Variants in NR2C2 observed in about 807,000 individuals in gnomAD.
NR2C2 encodes the protein Nuclear hormone receptor TR4.
A neutral mutation model predicts 62.9 loss-of-function variants in NR2C2; 6 were observed. That is an observed-to-expected ratio of 0.10 (90% CI 0.05 to 0.19). NR2C2 has a LOEUF of 0.19. Ranked by LOEUF, NR2C2 falls within the 10% of genes least tolerant of loss-of-function variation. The pLI, the probability that NR2C2 is intolerant of heterozygous loss-of-function variation, is 1.00. For synonymous variants in NR2C2, 272 were observed against 273.8 expected, an observed-to-expected ratio of 0.99 and a Z score of 0.07; for missense variants, 479 against 762.7, an observed-to-expected ratio of 0.63 and a Z score of 4.38.
At chr3:14,981,383 C>T (rs2040363088) in intron 1 of NR2C2, among the ~76,000 whole-genome samples, 1 of 152,062 alleles carries the variant, frequency 6.6e-6, no homozygotes, top group Admixed American at 6.6e-5. Context: ...GCGAGTGGAT[C>T]ACAAGGTCAG....
chr3:14,980,442 T>C (rs2040334351), intron 1 of NR2C2, among the ~76,000 whole-genome samples: 1 of 152,072 alleles, frequency 6.6e-6, no homozygotes, highest in South Asian at 2.1e-4. Flanking sequence ...GGATTATAGG[T>C]GTGAGCTGTC....
Position 15,030,298 on chromosome 3 carries a change from C to T in NR2C2, c.956C>T (p.Ala319Val), listed in dbSNP as rs780033916. The change falls in exon 9 of 14, where the codon GCA becomes GTA. Residue 319 changes from alanine (A) to valine (V), a missense_variant. Physicochemically the swap from Ala to Val is moderately conservative, Grantham distance 64. This residue lies in a region of NR2C2 where 151 missense variants were observed against 176.1 expected (regional missense o/e 0.86). Transcript: ENST00000425241. ...ITRAFDTLAK[A>V]LNTTDSSSSP... ...AGGGCATTTGATACCTTAGCTAAAG[C>T]ACTTAATACCACAGACAGCTCCTCT... The T allele has an allele frequency of 2.3e-5, 37 of 1,610,924 alleles. No individual in the cohort carries two copies. In the South Asian group the frequency reaches 3.5e-4, roughly 15 times the overall value.
intron 1 of NR2C2, among the ~76,000 whole-genome samples, chr3:14,960,490 G>T (rs1009061653): frequency 5.9e-5 from 9 of 152,026 alleles, no homozygotes; most frequent in Admixed American, 6.6e-5. Context: ...AAATCAGATT[G>T]TCATCTATAA....
At chr3:14,979,817 C>T (rs1330095418) in intron 1 of NR2C2, among the ~76,000 whole-genome samples, 3 of 151,870 alleles carry the variant, frequency 2.0e-5, no homozygotes, top group Non-Finnish European at 4.4e-5. Context: ...GTATTATAGG[C>T]CATGGTCAAG....
chr3:14,951,803 A>T (rs2039369996), intron 1 of NR2C2, among the ~76,000 whole-genome samples: 1 of 151,750 alleles, frequency 6.6e-6, no homozygotes, highest in African/African-American at 2.4e-5. Flanking sequence ...GCTGGAGTGC[A>T]GTGGTGCGAT....
chr3:15,033,664 T>TA (rs1553573291), intron 10 of NR2C2, among the ~76,000 whole-genome samples: 14 of 145,350 alleles, frequency 9.6e-5, no homozygotes, highest in East Asian at 5.9e-4. Flanking sequence ...TTTTTTTTTT[T>TA]AAATAACACC....
intron 2 of NR2C2, among the ~76,000 whole-genome samples, chr3:15,005,148 T>A (rs919760604): frequency 2.0e-5 from 3 of 152,118 alleles, no homozygotes; most frequent in African/African-American, 4.8e-5. Context: ...TTTTTATTAG[T>A]GTTAGTTGCT....
chr3:15,029,945 GAAAGA>G lies in NR2C2; in HGVS notation c.933-317_933-313del, dbSNP rs578219488. On this transcript the variant is annotated intron_variant, in intron 8 of 13. Coordinates refer to ENST00000425241, the MANE Select transcript of NR2C2 (RefSeq NM_001291694.2). ...AAGAGAGAAAAGGAAGGAAAAGAGA[GAAAGA>G]AAAGAAAAGAAAGAAATTGTCCATG... 9.3e-4 allele frequency among the ~76,000 whole-genome samples: 140 copies of G among 151,250 alleles called. 1 individual carries two copies. The South Asian group carries it at 0.016, about 18-fold the overall frequency.
chr3:14,951,466 A>G (rs972605314), intron 1 of NR2C2, among the ~76,000 whole-genome samples: 21 of 152,200 alleles, frequency 1.4e-4, no homozygotes, highest in African/African-American at 5.1e-4. Flanking sequence ...GGTATTTTAA[A>G]AATAATAATA....
At chr3:14,975,883 C>G (rs2040189805) in intron 1 of NR2C2, among the ~76,000 whole-genome samples, 1 of 151,976 alleles carries the variant, frequency 6.6e-6, no homozygotes, top group Non-Finnish European at 1.5e-5. Context: ...ATTCTATCTT[C>G]TTACTGGTTA....
rs182072578 is a variant in NR2C2 at position 14,997,292 on chromosome 3, G to A, written c.-39-6584G>A. Among the ~76,000 whole-genome samples, 3 of 152,222 alleles carry A rather than the reference G, an allele frequency of 2.0e-5. No homozygotes were observed. The East Asian group carries it at 5.8e-4, about 29-fold the overall frequency. ...GTAGTAGGCTATGCCATCTAGGTTTGTTGTAAGTACATGTTATCATGTTCA... is the reference window on the plus strand; with the variant it reads ...GTAGTAGGCTATGCCATCTAGGTTTATTGTAAGTACATGTTATCATGTTCA... On this transcript the variant is annotated intron_variant, in intron 1 of 13. Transcript: ENST00000425241.
intron 5 of NR2C2, 46 bp downstream of exon 5, chr3:15,020,978 A>G: frequency 6.5e-7 from 1 of 1,546,740 alleles, no homozygotes; most frequent in Non-Finnish European, 8.9e-7. Flanking sequence ...GTGGAGGGAG[A>G]CAGTAAATGA....
At position 14,987,945 on chromosome 3, in the gene NR2C2, C is replaced by G. The variant is rs186524135; in HGVS notation, c.-39-15931C>G. ...AGGTTGCCACATAACCTGCTTTGAT[C>G]ATTATTTTTCTGTATCCCGGAAACA... On this transcript the variant is annotated intron_variant, in intron 1 of 13. Coordinates refer to ENST00000425241, the MANE Select transcript of NR2C2 (RefSeq NM_001291694.2). Among the ~76,000 whole-genome samples the G allele has an allele frequency of 1.3e-3, 195 of 152,302 alleles. 1 individual carries two copies. Among genetic ancestry groups the G allele is most frequent in the South Asian group, 2.3e-3 (11 of 4,824 alleles).
At position 15,042,975 on chromosome 3, in the gene NR2C2, G is replaced by A; in HGVS notation, c.1758G>A (p.Glu586=). The change falls in exon 14 of 14, where the codon GAG becomes GAA. Residue 586 remains glutamate (E), a synonymous_variant. Transcript: ENST00000425241. ...IPYILKMETA[E]YNGQITGASL is the part of the protein sequence containing the mutation. ...ACATCCTCAAGATGGAGACAGCAGA[G>A]TATAATGGCCAGATCACCGGAGCCA... The A allele has an allele frequency of 6.2e-7, 1 of 1,614,180 alleles. No homozygotes were observed. The highest frequency in any genetic ancestry group is 1.1e-5 in the South Asian group (1 of 91,082).
intron 2 of NR2C2, among the ~76,000 whole-genome samples, chr3:15,007,151 G>A (rs146322596): frequency 0.042 from 5,830 of 138,116 alleles, 418 homozygotes; most frequent in African/African-American, 0.15. Flanking sequence ...TTTTTGAGGC[G>A]GAGTCTCGCT....
At position 15,030,396 on chromosome 3, in the gene NR2C2, A is replaced by C. The variant is rs1362244980; in HGVS notation, c.1054A>C (p.Thr352Pro). Residue 352 changes from threonine (T) to proline (P), a missense_variant, in exon 9 of 14, where the codon ACA becomes CCA. This residue lies in a region of NR2C2 where 151 missense variants were observed against 176.1 expected (regional missense o/e 0.86). Transcript: ENST00000425241. Reference sequence around the variant, plus strand: ...CCACGTCATCAGCAGAGACCAGTCGACACCCATCATTGAGGTTGAAGGCCC... The same window carrying C: ...CCACGTCATCAGCAGAGACCAGTCGCCACCCATCATTGAGGTTGAAGGCCC... ...SIHVISRDQS[T>P]PIIEVEGPLL... 2 of 1,610,816 alleles carry C rather than the reference A, an allele frequency of 1.2e-6. No homozygotes were observed. The highest frequency in any genetic ancestry group is 2.7e-5 in the African/African-American group (2 of 74,716).
At chr3:15,020,215 C>G (rs2041633418) in intron 4 of NR2C2, among the ~76,000 whole-genome samples, 1 of 152,190 alleles carries the variant, frequency 6.6e-6, no homozygotes, top group Non-Finnish European at 1.5e-5. Context: ...CCATGCTTCT[C>G]CCTGTGACTA....
At chr3:14,948,127 C>A (rs989542982) in intron 1 of NR2C2, 4 of 152,024 alleles carry the variant, frequency 2.6e-5, no homozygotes, top group African/African-American at 9.7e-5. Context: ...CTGACCGGCC[C>A]GGCCGGCGCA....
chr3:15,024,148 G>T lies in NR2C2; in HGVS notation c.738G>T (p.Val246=), dbSNP rs780700639. The T allele has an allele frequency of 6.2e-7, 1 of 1,612,756 alleles. No homozygotes were observed. Among genetic ancestry groups the T allele is most frequent in the Non-Finnish European group, 8.5e-7 (1 of 1,179,464 alleles). The change falls in exon 7 of 14, where the codon GTG becomes GTT. Residue 246 remains valine (V), a synonymous_variant. Coordinates refer to ENST00000425241, the MANE Select transcript of NR2C2 (RefSeq NM_001291694.2). ...QTGLLDPGML[V]NIQQPLIRED... The stretch of plus-strand genomic sequence containing the variant: ...GTCTTCTTGATCCAGGGATGCTTGT[G>T]AACATCCAGCAGCCTTTGATACGTG...
Sources: gnomAD v4.1 joint callset for allele counts (sites outside exome capture counted in the v4.1 genomes callset) on GRCh38, gnomAD v4.1.1 for gene constraint, gnomAD v4.1.1 regional missense constraint, MANE v1.5 for transcripts, NCBI Gene and HGNC (gene_info 2026-07-23, HGNC 2026-07-21) for gene names.